The following TEAD1 variants were observed in gnomAD, a reference collection of about 807,000 sequenced individuals.
TEAD1 encodes TEA domain transcription factor 1, also known as transcriptional enhancer factor TEF-1.
TEAD1 carries 9 observed loss-of-function variants against 54.9 expected under a neutral mutation model. The ratio of observed to expected loss-of-function variants is 0.16; its 90% CI spans 0.10 to 0.29. The LOEUF (loss-of-function observed/expected upper bound fraction) is 0.29. TEAD1 is among the 10% of genes least tolerant of loss of function. TEAD1 has a pLI of 1.00. For missense variants in TEAD1, 387 were observed against 535.9 expected, an observed-to-expected ratio of 0.72 and a Z score of 2.74; for synonymous variants, 200 against 187.8, an observed-to-expected ratio of 1.07 and a Z score of -0.53.
chr11:12,864,903 A>G lies in TEAD1; in HGVS notation c.330+3A>G. ...GTGATTTTCATTCCAAGCTAAAGGT[A>G]TGCGCTTTTCTGCTTTTTGGCTTGT... On this transcript the variant is annotated splice_donor_region_variant and intron_variant, in intron 5 of 12. Coordinates refer to ENST00000527636, the MANE Select transcript of TEAD1 (RefSeq NM_021961.6). The G allele has an allele frequency of 1.2e-6, 2 of 1,614,108 alleles. No homozygotes were observed. Among genetic ancestry groups the G allele is most frequent in the Non-Finnish European group, 1.7e-6 (2 of 1,180,030 alleles).
chr11:12,768,920 A>G (rs1441345064), intron 3 of TEAD1, among the ~76,000 whole-genome samples: 2 of 152,176 alleles, frequency 1.3e-5, no homozygotes, highest in South Asian at 2.1e-4. Flanking sequence ...GGTCGAGGGC[A>G]CCTGGCCTGT....
rs192495115 is a variant in TEAD1, at chr11:12,851,511, T to C, written c.203-10739T>C. 2.0e-5 allele frequency among the ~76,000 whole-genome samples: 3 copies of C among 152,272 alleles called. No homozygotes were observed. The East Asian group carries it at 5.8e-4, about 29-fold the overall frequency. On this transcript the variant is annotated intron_variant, in intron 3 of 12. Coordinates refer to ENST00000527636, the MANE Select transcript of TEAD1 (RefSeq NM_021961.6). ...CAGTAAAATTTATTTTTTAAAAAAATGGCTGGGCGCAGTGGCTCACACCTG... is the reference window on the plus strand; with the variant it reads ...CAGTAAAATTTATTTTTTAAAAAAACGGCTGGGCGCAGTGGCTCACACCTG...
In TEAD1 at chr11:12,797,179, CA is replaced by C. The variant is rs780897974; in HGVS notation, c.202+32746del. On this transcript the variant is annotated intron_variant, in intron 3 of 12. Transcript: ENST00000527636. The stretch of plus-strand genomic sequence containing the variant: ...GTGGTGAGGGGAAGCACTAGTATCC[CA>C]GATGGTGACCTCTTAACTTTTAATT... Among the ~76,000 whole-genome samples the C allele has an allele frequency of 9.8e-5, 15 of 152,318 alleles. No individual in the cohort carries two copies. The East Asian group carries it at 2.9e-3, about 29-fold the overall frequency.
chr11:12,690,952 C>T (rs575008261), intron 2 of TEAD1, among the ~76,000 whole-genome samples: 2 of 152,224 alleles, frequency 1.3e-5, no homozygotes, highest in African/African-American at 2.4e-5. Context: ...GACAGGGTTT[C>T]ATCACTCAGG....
chr11:12,845,509 G>A (rs1045052260), intron 3 of TEAD1, among the ~76,000 whole-genome samples: 2 of 152,034 alleles, frequency 1.3e-5, no homozygotes, highest in Admixed American at 6.6e-5. Flanking sequence ...CAGATCCAAA[G>A]CTCTGTGACA....
chr11:12,764,969 T>C (rs1279319275), intron 3 of TEAD1, among the ~76,000 whole-genome samples: 1 of 151,002 alleles, frequency 6.6e-6, no homozygotes, highest in African/African-American at 2.4e-5. Flanking sequence ...AGAGAAAACA[T>C]GTATGTGCAT....
At chr11:12,707,775 A>G (rs1943851412) in intron 2 of TEAD1, among the ~76,000 whole-genome samples, 1 of 152,248 alleles carries the variant, frequency 6.6e-6, no homozygotes, top group African/African-American at 2.4e-5. Context: ...CACTGGGCAC[A>G]GTATGATTGT....
intron 2 of TEAD1, among the ~76,000 whole-genome samples, chr11:12,689,014 T>G (rs924290808): frequency 7.5e-6 from 1 of 133,912 alleles, no homozygotes; most frequent in African/African-American, 3.3e-5. Flanking sequence ...TGTTTTTCTG[T>G]TTTTTTTTTT....
intron 2 of TEAD1, among the ~76,000 whole-genome samples, chr11:12,679,474 G>A (rs1316100977): frequency 6.6e-6 from 1 of 152,298 alleles, no homozygotes; most frequent in Admixed American, 6.5e-5. Context: ...AGGTTTAGAT[G>A]TATGTGTAAA....
intron 10 of TEAD1, among the ~76,000 whole-genome samples, chr11:12,905,589 A>G (rs1374671881): frequency 1.3e-5 from 2 of 152,238 alleles, no homozygotes; most frequent in Non-Finnish European, 2.9e-5. Context: ...AATGAATTAC[A>G]TTTAGAATAT....
At chr11:12,905,720 C>G (rs1372191808) in intron 10 of TEAD1, among the ~76,000 whole-genome samples, 2 of 152,186 alleles carry the variant, frequency 1.3e-5, no homozygotes, top group Non-Finnish European at 2.9e-5. Context: ...ACAACAGAGA[C>G]TCTATACCCA....
At chr11:12,859,270 G>A (rs1485163253) in intron 3 of TEAD1, among the ~76,000 whole-genome samples, 1 of 150,158 alleles carries the variant, frequency 6.7e-6, no homozygotes, top group African/African-American at 2.5e-5. Flanking sequence ...ATCTATCAAG[G>A]TATTCTGTCT....
intron 2 of TEAD1, among the ~76,000 whole-genome samples, chr11:12,709,876 G>A (rs907061156): frequency 5.3e-5 from 8 of 151,940 alleles, no homozygotes; most frequent in South Asian, 2.1e-4. Context: ...CCCTTTTTAC[G>A]TCTTTTAGTT....
At chr11:12,745,108 T>A (rs374370601) in intron 2 of TEAD1, among the ~76,000 whole-genome samples, 1 of 152,200 alleles carries the variant, frequency 6.6e-6, no homozygotes, top group Non-Finnish European at 1.5e-5. Flanking sequence ...TGGGGAAAGA[T>A]GAGTCGAGTC....
chr11:12,798,574 A>G (rs16911608), intron 3 of TEAD1, among the ~76,000 whole-genome samples: 5,847 of 152,284 alleles, frequency 0.038, 406 homozygotes, highest in African/African-American at 0.13. Context: ...AAGTAAATGC[A>G]TGAAGGAAGT....
intron 3 of TEAD1, among the ~76,000 whole-genome samples, chr11:12,801,587 G>T (rs1045509833): frequency 6.6e-6 from 1 of 152,170 alleles, no homozygotes; most frequent in Admixed American, 6.5e-5. Flanking sequence ...AAGCTCAAAG[G>T]GGTTTTCACA....
intron 3 of TEAD1, among the ~76,000 whole-genome samples, chr11:12,783,133 T>TGTGTGTGTGTGTGTGTGTGTGCGC (rs1198828193): frequency 1.4e-4 from 20 of 145,570 alleles, no homozygotes; most frequent in African/African-American, 4.9e-4. Context: ...TGTGTGTGTG[T>TGTGTGTGTGTGTGTGTGTGTGCGC]GCGCGCACTT....
chr11:12,789,347 C>T (rs1945748690), intron 3 of TEAD1, among the ~76,000 whole-genome samples: 2 of 152,090 alleles, frequency 1.3e-5, no homozygotes, highest in South Asian at 4.1e-4. Flanking sequence ...ATTGGCATTG[C>T]TTTTATTATT....
intron 3 of TEAD1, among the ~76,000 whole-genome samples, chr11:12,847,812 G>C (rs1336325672): frequency 3.9e-5 from 6 of 152,150 alleles, no homozygotes; most frequent in Admixed American, 3.9e-4. Context: ...GTCAGCCACT[G>C]TGCCCAGCCT....
Sources: allele counts gnomAD v4.1 joint callset (sites outside exome capture counted in the v4.1 genomes callset), GRCh38; gene constraint gnomAD v4.1.1; transcripts MANE v1.5; gene names NCBI Gene and HGNC (gene_info 2026-07-23, HGNC 2026-07-21).